The following RO60 variants were observed in gnomAD, a reference collection of about 807,000 sequenced individuals.
RO60 encodes Ro60, Y RNA binding protein, also known as RNA-binding protein RO60.
In RO60, 20 loss-of-function variants were observed where a neutral mutation model predicts 55.3. The observed-to-expected ratio is 0.36, with a 90% CI of 0.25 to 0.53. The LOEUF (loss-of-function observed/expected upper bound fraction) is 0.53, where lower values mean the gene tolerates loss of function less well. Among genes scored for constraint, RO60 ranks in the 20% least tolerant of loss-of-function variants. The pLI, the probability that RO60 is intolerant of heterozygous loss-of-function variation, is 0.92. For synonymous variants in RO60, 213 were observed against 213.6 expected (o/e 1.00, Z 0.02); for missense variants, 558 against 646.6 (o/e 0.86, Z 1.49).
At chr1:193,074,476 T>C (rs1336911925) in intron 2 of RO60, among the ~76,000 whole-genome samples, 5 of 152,260 alleles carry the variant, frequency 3.3e-5, no homozygotes, top group Non-Finnish European at 5.9e-5. Flanking sequence ...ATTGCATTTC[T>C]CTGATGGCCA....
intron 5 of RO60, among the ~76,000 whole-genome samples, chr1:193,078,931 AAAG>A (rs1322723878): frequency 1.3e-5 from 2 of 152,174 alleles, no homozygotes; most frequent in Non-Finnish European, 2.9e-5. Context: ...ATCTTTAAAA[AAAG>A]AACAAACCTG....
downstream of RO60, chr1:193,091,748 A>G (rs907956780): frequency 1.5e-6 from 2 of 1,373,776 alleles, no homozygotes; most frequent in South Asian, 1.2e-5. Flanking sequence ...AAATTGATAG[A>G]TGTACCAAAT....
chr1:193,072,599 T>C (rs1436171422), intron 2 of RO60, among the ~76,000 whole-genome samples: 1 of 152,186 alleles, frequency 6.6e-6, no homozygotes, highest in Non-Finnish European at 1.5e-5. Context: ...ATTTTCTTGG[T>C]TAAGAAACAT....
Position 193,085,125 on chromosome 1 carries a change from C to T in RO60, c.*394C>T. 2.1e-6 allele frequency: 3 copies of T among 1,419,166 alleles called. No individual in the cohort carries two copies. The highest frequency in any genetic ancestry group is 2.5e-5 in the East Asian group (1 of 39,640). The allele number at this position is 1,419,166 out of a possible 1,614,324, so 87.9% of individuals were successfully genotyped here. A position where few individuals can be genotyped will look rare whatever the true frequency, so the allele number is the denominator to read the frequency against. ...AAATGTTTTCATTGGGAAAGGACAGCTTTGATAATGTCCAAATACTCTGAA... is the reference window on the plus strand; with the variant it reads ...AAATGTTTTCATTGGGAAAGGACAGTTTTGATAATGTCCAAATACTCTGAA... On this transcript the variant is annotated 3_prime_UTR_variant, in exon 9 of 9. Transcript: ENST00000400968.
chr1:193,081,225 A>G (rs1394923400), intron 5 of RO60, 139 bp from the exon 6 acceptor site: 1 of 457,158 alleles, frequency 2.2e-6, no homozygotes, highest in Admixed American at 3.4e-5. Flanking sequence ...GCATTTTTAA[A>G]TAGTTGTCAA....
At chr1:193,074,193 A>C (rs1047479617) in intron 2 of RO60, among the ~76,000 whole-genome samples, 3 of 152,168 alleles carry the variant, frequency 2.0e-5, no homozygotes, top group African/African-American at 7.2e-5. Flanking sequence ...GCCGCAATAA[A>C]CATACGTGTG....
Position 193,059,627 on chromosome 1 carries a change from C to A in RO60, c.-171C>A, listed in dbSNP as rs953630764. The stretch of plus-strand genomic sequence containing the variant: ...GAGGGGCAGGACTCGTTCCCGGGAA[C>A]CGAACCTGGAATCCCCGGCGGCAGT... On this transcript the variant is annotated 5_prime_UTR_variant, in exon 1 of 9. Coordinates refer to ENST00000400968, the MANE Select transcript of RO60 (RefSeq NM_001173524.2). This position sits in a 1 kb window ranked among gnomAD's most constrained non-coding sequence, Gnocchi z 4.9. 2.8e-6 allele frequency: 4 copies of A among 1,407,976 alleles called. No homozygotes were observed. Among genetic ancestry groups the A allele is most frequent in the Non-Finnish European group, 3.8e-6 (4 of 1,050,646 alleles). 87.2% of individuals were successfully genotyped at this position (1,407,976 alleles called of 1,614,324 possible). A position where few individuals can be genotyped will look rare whatever the true frequency, so the allele number is the denominator to read the frequency against.
intron 6 of RO60, 92 bp from the exon 7 acceptor site, chr1:193,082,094 C>T (rs1444748260): frequency 3.8e-6 from 3 of 791,246 alleles, no homozygotes; most frequent in Non-Finnish European, 6.7e-6. Context: ...AAATAAACAT[C>T]AGTGTTTCTT....
intron 2 of RO60, among the ~76,000 whole-genome samples, chr1:193,073,075 A>G (rs1378646066): frequency 1.3e-5 from 2 of 152,248 alleles, no homozygotes; most frequent in East Asian, 3.8e-4. Context: ...ATGTGATTCA[A>G]GTCATCAGGT....
At chr1:193,082,765 T>A in intron 8 of RO60, 57 bp downstream of exon 8, 5 of 648,270 alleles carry the variant, frequency 7.7e-6, no homozygotes, top group Admixed American at 4.5e-5. Context: ...AATACTTGAT[T>A]TTTTTTTTTT....
chr1:193,083,020 G>A lies in RO60; in HGVS notation c.1464+312G>A, dbSNP rs373224203. 9.2e-5 allele frequency among the ~76,000 whole-genome samples: 14 copies of A among 152,220 alleles called. No homozygotes were observed. In the South Asian group the frequency reaches 2.3e-3, roughly 25 times the overall value. ...GATTCTCCAGCCTTGGCTTCCCAAC[G>A]TGCTGGGATTACAGCCACCACACCT... On this transcript the variant is annotated intron_variant, in intron 8 of 8. Coordinates refer to ENST00000400968, the MANE Select transcript of RO60 (RefSeq NM_001173524.2).
chr1:193,070,222 C>T (rs1673392401), intron 2 of RO60, among the ~76,000 whole-genome samples: 1 of 152,016 alleles, frequency 6.6e-6, no homozygotes, highest in Non-Finnish European at 1.5e-5. Context: ...GCTGTACCCA[C>T]TGCTCTAGCC....
intron 5 of RO60, among the ~76,000 whole-genome samples, chr1:193,078,285 G>A (rs1674066308): frequency 6.6e-6 from 1 of 152,108 alleles, no homozygotes; most frequent in Non-Finnish European, 1.5e-5. Context: ...AAAAAACAAA[G>A]ATGTTTAAAC....
intron 1 of RO60, among the ~76,000 whole-genome samples, chr1:193,061,761 G>T (rs1672763403): frequency 6.6e-6 from 1 of 152,176 alleles, no homozygotes; most frequent in South Asian, 2.1e-4. Context: ...CAGGCGGGTG[G>T]ATCACGAGGT....
chr1:193,064,772 G>A (rs944549291), intron 1 of RO60, among the ~76,000 whole-genome samples: 33 of 152,266 alleles, frequency 2.2e-4, no homozygotes, highest in African/African-American at 6.7e-4. Flanking sequence ...ACATGCAAAA[G>A]GAAGAGTCCA....
At chr1:193,068,812 T>A (rs1673286993) in intron 1 of RO60, among the ~76,000 whole-genome samples, 1 of 152,228 alleles carries the variant, frequency 6.6e-6, no homozygotes, top group Admixed American at 6.5e-5. Flanking sequence ...CTGGTAGTCA[T>A]TTCAAAGTAT....
At position 193,089,057 on chromosome 1, in the gene RO60, C is replaced by A. The variant is rs941794009; in HGVS notation, c.*4326C>A. Reference sequence around the variant, plus strand: ...TTTTCTTTTTCAACTTAGTAATAGGCAGGCTTCTTGGAACAATAAGTAGAT... The same window carrying A: ...TTTTCTTTTTCAACTTAGTAATAGGAAGGCTTCTTGGAACAATAAGTAGAT... On this transcript the variant is annotated 3_prime_UTR_variant, in exon 9 of 9. Coordinates refer to ENST00000400968, the MANE Select transcript of RO60 (RefSeq NM_001173524.2). The A allele has an allele frequency of 1.3e-5, 2 of 152,088 alleles. No homozygotes were observed. Among genetic ancestry groups the A allele is most frequent in the Non-Finnish European group, 2.9e-5 (2 of 68,002 alleles). 9.4% of individuals were successfully genotyped at this position (152,088 alleles called of 1,614,324 possible).
intron 7 of RO60, 112 bp from the exon 8 acceptor site, chr1:193,082,450 A>G: frequency 7.2e-7 from 1 of 1,390,978 alleles, no homozygotes; most frequent in South Asian, 1.3e-5. Flanking sequence ...GAAAATATAT[A>G]TGCAGGCTTT....
rs1674659569 is a variant in RO60, at chr1:193,087,245, A to G, written c.*2514A>G. 1 of 152,140 alleles carries G rather than the reference A, an allele frequency of 6.6e-6. No individual in the cohort carries two copies. Among genetic ancestry groups the G allele is most frequent in the Non-Finnish European group, 1.5e-5 (1 of 67,990 alleles). 9.4% of individuals were successfully genotyped at this position (152,140 alleles called of 1,614,324 possible). A position where few individuals can be genotyped will look rare whatever the true frequency, so the allele number is the denominator to read the frequency against. On this transcript the variant is annotated 3_prime_UTR_variant, in exon 9 of 9. Transcript: ENST00000400968. Reference sequence around the variant, plus strand: ...GAAAAAACAAAAACTTTACCTCATTATGAATAAAATGTACTGAAGTGATAA... The same window carrying G: ...GAAAAAACAAAAACTTTACCTCATTGTGAATAAAATGTACTGAAGTGATAA...
Sources: allele counts gnomAD v4.1 joint callset (sites outside exome capture counted in the v4.1 genomes callset), GRCh38; gene constraint gnomAD v4.1.1; non-coding constraint Gnocchi (gnomAD v3.1); transcripts MANE v1.5; gene names NCBI Gene and HGNC (gene_info 2026-07-23, HGNC 2026-07-21).